Variants in RIMS3 observed in about 807,000 individuals in gnomAD.
The protein encoded by RIMS3 is regulating synaptic membrane exocytosis 3, also known as regulating synaptic membrane exocytosis protein 3.
A neutral mutation model predicts 29.2 loss-of-function variants in RIMS3; 15 were observed. That is an observed-to-expected ratio of 0.51 (90% confidence interval 0.34 to 0.79). The LOEUF (loss-of-function observed/expected upper bound fraction) is 0.79, where lower values mean the gene tolerates loss of function less well. RIMS3 is among the 30% of genes least tolerant of loss of function. The pLI is 0.01. For synonymous variants in RIMS3, 161 were observed against 170.1 expected (o/e 0.95, Z 0.41); for missense variants, 342 against 421.4 (o/e 0.81, Z 1.65).
intron 2 of RIMS3, among the ~76,000 whole-genome samples, chr1:40,646,506 G>T (rs1646596784): frequency 6.6e-6 from 1 of 152,136 alleles, no homozygotes; most frequent in South Asian, 2.1e-4. Flanking sequence ...CCCTTTCTCA[G>T]CCCAGGTCAT....
intron 3 of RIMS3, among the ~76,000 whole-genome samples, chr1:40,638,519 G>A (rs1646535687): frequency 6.6e-6 from 1 of 152,182 alleles, no homozygotes; most frequent in Non-Finnish European, 1.5e-5. Flanking sequence ...CACAAACAAA[G>A]GAGGGGCACT....
At position 40,623,197 on chromosome 1, in the gene RIMS3, C is replaced by T; in HGVS notation, c.*3320G>A. ...CCTGGGACTTGCTGCATCCCAAGAG[C>T]CTCCTAAGTGCTCCTTTCCTAGTAG... is the stretch of plus-strand genomic sequence containing the variant. On this transcript the variant is annotated 3_prime_UTR_variant, in exon 8 of 8. Transcript: ENST00000372684. 1 of 386,788 alleles carries T rather than the reference C, an allele frequency of 2.6e-6. No individual in the cohort carries two copies. Among genetic ancestry groups the T allele is most frequent in the Non-Finnish European group, 4.6e-6 (1 of 219,278 alleles). 24.0% of individuals were successfully genotyped at this position (386,788 alleles called of 1,614,324 possible).
At chr1:40,686,925 T>C in the RIMS3 span, among the ~76,000 whole-genome samples, 2 of 151,900 alleles carry the variant, frequency 1.3e-5, no homozygotes, top group South Asian at 2.1e-4. Context: ...GTTTTGATCA[T>C]GTCACTATCT....
At chr1:40,657,464 G>A (rs1642288054) in intron 1 of RIMS3, among the ~76,000 whole-genome samples, 1 of 152,116 alleles carries the variant, frequency 6.6e-6, no homozygotes, top group Admixed American at 6.6e-5. Flanking sequence ...TGAGATGACA[G>A]ACTGGGTGTC....
intron 3 of RIMS3, 25 bp downstream of exon 3, chr1:40,641,684 C>G (rs940293098): frequency 6.2e-7 from 1 of 1,611,370 alleles, no homozygotes; most frequent in Non-Finnish European, 8.5e-7. Context: ...CCACCTCTAC[C>G]CCGTGATGTC....
In RIMS3 at chr1:40,621,701, A is replaced by T. The variant is rs1186603849; in HGVS notation, c.*4816T>A. The T allele has an allele frequency of 6.6e-6, 1 of 152,226 alleles. No individual in the cohort carries two copies. The highest frequency in any genetic ancestry group is 2.4e-5 in the African/African-American group (1 of 41,458). 9.4% of individuals were successfully genotyped at this position (152,226 alleles called of 1,614,324 possible). ...AGTTTCTGGTAAAACTGTACAGAACAGCCTTTGATTCCCTGTAGCCAGCTG... is the reference window on the plus strand; with the variant it reads ...AGTTTCTGGTAAAACTGTACAGAACTGCCTTTGATTCCCTGTAGCCAGCTG... On this transcript the variant is annotated 3_prime_UTR_variant, in exon 8 of 8. Coordinates refer to ENST00000372684, the MANE Select transcript of RIMS3 (RefSeq NM_014747.3).
At chr1:40,676,136 TC>T in the RIMS3 span, among the ~76,000 whole-genome samples, 1 of 152,148 alleles carries the variant, frequency 6.6e-6, no homozygotes, top group Non-Finnish European at 1.5e-5. Context: ...GCCTTTCAGT[TC>T]CAGTCTTTAC....
At chr1:40,628,442 AC>A (rs1356863735) in intron 7 of RIMS3, among the ~76,000 whole-genome samples, 1 of 152,158 alleles carries the variant, frequency 6.6e-6, no homozygotes, top group Non-Finnish European at 1.5e-5. Context: ...AATCACACCT[AC>A]TCCACAGGAT....
In RIMS3 at chr1:40,636,241, C is replaced by T. The variant is rs1050771141; in HGVS notation, c.218-184G>A. 1.3e-5 allele frequency among the ~76,000 whole-genome samples: 2 copies of T among 152,138 alleles called. No individual in the cohort carries two copies. The highest frequency in any genetic ancestry group is 4.8e-5 in the African/African-American group (2 of 41,430). On this transcript the variant is annotated intron_variant, in intron 3 of 7. Coordinates refer to ENST00000372684, the MANE Select transcript of RIMS3 (RefSeq NM_014747.3). This position sits in a 1 kb window ranked among gnomAD's most constrained non-coding sequence, Gnocchi z 4.2. ...TCAGAGCTGGTCTGCAGCCTGACAC[C>T]TGGCCCTGCTCCGGGCAGTGACACT...
chr1:40,683,565 C>T, the RIMS3 span, among the ~76,000 whole-genome samples: 1 of 152,254 alleles, frequency 6.6e-6, no homozygotes, highest in Non-Finnish European at 1.5e-5. Context: ...TCCAGAACCA[C>T]AACCCAAATA....
Position 40,641,445 on chromosome 1 carries a change from T to C in RIMS3, c.217+264A>G, listed in dbSNP as rs184120298. Among the ~76,000 whole-genome samples, 197 of 152,340 alleles carry C rather than the reference T, an allele frequency of 1.3e-3. 1 individual carries two copies. Among genetic ancestry groups the C allele is most frequent in the African/African-American group, 4.6e-3 (192 of 41,574 alleles). On this transcript the variant is annotated intron_variant, in intron 3 of 7. Transcript: ENST00000372684. ...GGAAGCCCAACTGCTAGAGTTTGAA[T>C]CCAGGCTCCACCACCTACTAGTTGT...
At position 40,625,345 on chromosome 1, in the gene RIMS3, G is replaced by A. The variant is rs923782366; in HGVS notation, c.*1172C>T. ...GACAGAGCTGGTGATGGTGGCAGAC[G>A]AGAGTCCGGAGCCAGGCTGCTGGAG... On this transcript the variant is annotated 3_prime_UTR_variant, in exon 8 of 8. Coordinates refer to ENST00000372684, the MANE Select transcript of RIMS3 (RefSeq NM_014747.3). 3.3e-5 allele frequency: 5 copies of A among 152,740 alleles called. No individual in the cohort carries two copies. Among genetic ancestry groups the A allele is most frequent in the African/African-American group, 9.7e-5 (4 of 41,436 alleles). The allele number at this position is 152,740 out of a possible 1,614,324, so 9.5% of individuals were successfully genotyped here.
chr1:40,638,724 C>T (rs745876741), intron 3 of RIMS3, among the ~76,000 whole-genome samples: 9 of 152,176 alleles, frequency 5.9e-5, no homozygotes, highest in Non-Finnish European at 8.8e-5. Context: ...AGACCAGAAC[C>T]CACCTGTGTC....
At chr1:40,689,161 T>C in the RIMS3 span, among the ~76,000 whole-genome samples, 1 of 152,246 alleles carries the variant, frequency 6.6e-6, no homozygotes, top group Non-Finnish European at 1.5e-5. Context: ...ATCTTCATTC[T>C]GGGACCAAAG....
chr1:40,682,578 C>T, the RIMS3 span, among the ~76,000 whole-genome samples: 1 of 151,902 alleles, frequency 6.6e-6, no homozygotes, highest in Admixed American at 6.6e-5. Flanking sequence ...TCTCTCCCTG[C>T]CTGGAGTCCC....
At chr1:40,662,304 C>T (rs627178) in intron 1 of RIMS3, among the ~76,000 whole-genome samples, 19,028 of 152,094 alleles carry the variant, frequency 0.13, 1,307 homozygotes, top group African/African-American at 0.15. Flanking sequence ...ATCCCTTCTT[C>T]GCCTCTACAA....
intron 1 of RIMS3, among the ~76,000 whole-genome samples, chr1:40,663,872 G>A (rs1642387285): frequency 6.6e-6 from 1 of 152,196 alleles, no homozygotes; most frequent in African/African-American, 2.4e-5. Context: ...TAGCTGCTGA[G>A]CCCTCCTGAG....
upstream of RIMS3, chr1:40,669,415 T>G (rs1450546987): frequency 2.0e-5 from 3 of 152,214 alleles, no homozygotes; most frequent in African/African-American, 7.2e-5. Context: ...AACAAACTTT[T>G]TTGAGGTTTA....
In RIMS3 at chr1:40,623,870, G is replaced by A. The variant is rs920696161; in HGVS notation, c.*2647C>T. ...AGCCTCACACAACTTTACCCTCATG[G>A]GGTAAAATCCAGGTGGGGATGAGTA... On this transcript the variant is annotated 3_prime_UTR_variant, in exon 8 of 8. Coordinates refer to ENST00000372684, the MANE Select transcript of RIMS3 (RefSeq NM_014747.3). 2.5e-5 allele frequency: 6 copies of A among 243,030 alleles called. No individual in the cohort carries two copies. Among genetic ancestry groups the A allele is most frequent in the Non-Finnish European group, 4.7e-5 (6 of 127,192 alleles). The allele number at this position is 243,030 out of a possible 1,614,324, so 15.1% of individuals were successfully genotyped here. A position where few individuals can be genotyped will look rare whatever the true frequency, so the allele number is the denominator to read the frequency against.
Sources: gnomAD v4.1 joint callset for allele counts (sites outside exome capture counted in the v4.1 genomes callset) on GRCh38, gnomAD v4.1.1 for gene constraint, Gnocchi (gnomAD v3.1) non-coding constraint, MANE v1.5 for transcripts, NCBI Gene and HGNC (gene_info 2026-07-23, HGNC 2026-07-21) for gene names.